ZNF536: variants seen among roughly 807,000 people sequenced by gnomAD.
ZNF536 encodes zinc finger protein 536.
In ZNF536, 13 loss-of-function variants were observed where a neutral mutation model predicts 84.5. The ratio of observed to expected loss-of-function variants is 0.15; its 90% CI spans 0.10 to 0.24. The LOEUF (loss-of-function observed/expected upper bound fraction) is 0.24. Ranked by LOEUF, ZNF536 falls within the 10% of genes least tolerant of loss-of-function variation. ZNF536 has a pLI of 1.00. For missense variants in ZNF536, 1,536 were observed against 1,747.5 expected (o/e 0.88, Z 2.16); for synonymous variants, 811 against 742.5 (o/e 1.09, Z -1.50).
intron 1 of ZNF536, among the ~76,000 whole-genome samples, chr19:30,376,021 T>C (rs918863375): frequency 7.2e-5 from 11 of 152,130 alleles, no homozygotes; most frequent in Admixed American, 2.0e-4. Context: ...GATGAGTGTG[T>C]GAATGAGTGT....
chr19:30,335,196 T>G (rs189187116), intron 2 of ZNF536, among the ~76,000 whole-genome samples: 23 of 152,306 alleles, frequency 1.5e-4, no homozygotes, highest in Admixed American at 3.9e-4. Context: ...AGAGCCTGGC[T>G]GTGTATCGCT....
intron 1 of ZNF536, among the ~76,000 whole-genome samples, chr19:30,275,212 T>C (rs771295274): frequency 3.9e-5 from 6 of 152,076 alleles, no homozygotes; most frequent in Non-Finnish European, 8.8e-5. Flanking sequence ...GTGGTTAGGC[T>C]CTGGAAATCC....
chr19:30,702,350 C>T (rs151172801), intron 1 of ZNF536, among the ~76,000 whole-genome samples: 1 of 151,996 alleles, frequency 6.6e-6, no homozygotes, highest in African/African-American at 2.4e-5. Context: ...TACGGCGCAG[C>T]GACAATACAA....
chr19:30,490,133 T>A (rs1370980455), intron 2 of ZNF536, among the ~76,000 whole-genome samples: 1 of 152,160 alleles, frequency 6.6e-6, no homozygotes, highest in Non-Finnish European at 1.5e-5. Context: ...AAAGTGCACA[T>A]GATTGGAGGA....
chr19:30,400,017 A>G (rs1239855322), intron 1 of ZNF536, among the ~76,000 whole-genome samples: 1 of 152,122 alleles, frequency 6.6e-6, no homozygotes, highest in African/African-American at 2.4e-5. Flanking sequence ...ATTCAGCATA[A>G]TGCCCTTGAG....
In ZNF536 at chr19:30,557,517, TGGGGGG is replaced by T; in HGVS notation, c.*354_*359del. On this transcript the variant is annotated 3_prime_UTR_variant, in exon 5 of 5. Transcript: ENST00000355537. ...CACCTGTGGACAACCTGGCTGGGGG[TGGGGGG>T]CTGTTCCACCAGCTCACCTGAGCAT... 2 of 210,378 alleles carry T rather than the reference TGGGGGG, an allele frequency of 9.5e-6. No homozygotes were observed. Among genetic ancestry groups the T allele is most frequent in the South Asian group, 1.4e-4 (1 of 7,326 alleles). The allele number at this position is 210,378 out of a possible 1,614,324, so 13.0% of individuals were successfully genotyped here.
intron 3 of ZNF536, among the ~76,000 whole-genome samples, chr19:30,538,189 G>C (rs2045171821): frequency 6.6e-6 from 1 of 152,122 alleles, no homozygotes; most frequent in Non-Finnish European, 1.5e-5. Context: ...ATACCATACA[G>C]TTTTTGTATT....
At chr19:30,447,718 A>G (rs1467447806) in intron 2 of ZNF536, among the ~76,000 whole-genome samples, 1 of 152,308 alleles carries the variant, frequency 6.6e-6, no homozygotes, top group East Asian at 1.9e-4. Context: ...GCCTCCTAGG[A>G]TGAGGTCTGC....
chr19:30,566,318 T>C (rs944494412), intron 1 of ZNF536, among the ~76,000 whole-genome samples: 2 of 152,074 alleles, frequency 1.3e-5, no homozygotes, highest in Non-Finnish European at 2.9e-5. Flanking sequence ...AAGGAACAGC[T>C]CCCTTTATCC....
chr19:30,226,611 G>A (rs1319740481), upstream of ZNF536, among the ~76,000 whole-genome samples: 2 of 152,074 alleles, frequency 1.3e-5, no homozygotes, highest in Non-Finnish European at 2.9e-5. This position sits in a 1 kb window ranked among gnomAD's most constrained non-coding sequence, Gnocchi z 4.6. Flanking sequence ...AAGCGCAGGC[G>A]GCGCCCGCAG....
intron 2 of ZNF536, among the ~76,000 whole-genome samples, chr19:30,458,297 C>T (rs1194763392): frequency 6.6e-6 from 1 of 151,956 alleles, no homozygotes; most frequent in Admixed American, 6.6e-5. Flanking sequence ...TCCATTTTTC[C>T]TTCATCTTTC....
chr19:30,294,924 T>C (rs1320434490), intron 2 of ZNF536, among the ~76,000 whole-genome samples: 2 of 152,122 alleles, frequency 1.3e-5, no homozygotes, highest in African/African-American at 4.8e-5. Flanking sequence ...GGTTCTGATG[T>C]CTATCTGCAG....
chr19:30,515,551 G>A (rs562514762), intron 2 of ZNF536, among the ~76,000 whole-genome samples: 11 of 152,202 alleles, frequency 7.2e-5, no homozygotes, highest in African/African-American at 1.9e-4. Flanking sequence ...CTCAGACAGC[G>A]CTCTATGATC....
At chr19:30,264,308 C>T (rs1008254509) in intron 1 of ZNF536, among the ~76,000 whole-genome samples, 11 of 152,000 alleles carry the variant, frequency 7.2e-5, no homozygotes, top group South Asian at 2.1e-4. Context: ...CTAGAGGAGC[C>T]GGGTAGCTGG....
At chr19:30,229,640 G>C (rs1379512513) in intron 1 of ZNF536, among the ~76,000 whole-genome samples, 1 of 152,168 alleles carries the variant, frequency 6.6e-6, no homozygotes, top group African/African-American at 2.4e-5. Flanking sequence ...GCCTCTGCTC[G>C]GGGAGAGCCC....
chr19:30,478,872 C>G (rs1012941168), intron 2 of ZNF536, among the ~76,000 whole-genome samples: 1 of 152,186 alleles, frequency 6.6e-6, no homozygotes, highest in Non-Finnish European at 1.5e-5. Flanking sequence ...GGTTGACCAA[C>G]GATGCATCAT....
intron 1 of ZNF536, among the ~76,000 whole-genome samples, chr19:30,571,885 G>T (rs150946901): frequency 0.02 from 2,974 of 152,260 alleles, 34 homozygotes; most frequent in Middle Eastern, 0.031. Flanking sequence ...CATTTGATAG[G>T]GAGGTTGGAG....
intron 1 of ZNF536, among the ~76,000 whole-genome samples, chr19:30,686,951 T>G (rs2051212465): frequency 1.3e-5 from 2 of 152,206 alleles, no homozygotes; most frequent in South Asian, 4.1e-4. Flanking sequence ...TAATGGAACT[T>G]ATTTGGAGTA....
intron 2 of ZNF536, among the ~76,000 whole-genome samples, chr19:30,320,021 T>C (rs561169455): frequency 6.6e-6 from 1 of 152,360 alleles, no homozygotes; most frequent in South Asian, 2.1e-4. Context: ...AGATTATTTT[T>C]TCATCCTTTT....
Sources: allele counts gnomAD v4.1 joint callset (sites outside exome capture counted in the v4.1 genomes callset), GRCh38; gene constraint gnomAD v4.1.1; non-coding constraint Gnocchi (gnomAD v3.1); transcripts MANE v1.5; gene names NCBI Gene and HGNC (gene_info 2026-07-23, HGNC 2026-07-21).